The following SPAG16 variants were observed in gnomAD, a reference collection of about 807,000 sequenced individuals.
The protein encoded by SPAG16 is sperm associated antigen 16.
In SPAG16, 86 loss-of-function variants were observed where a neutral mutation model predicts 80.4. That is an observed-to-expected ratio of 1.07 (90% confidence interval 0.90 to 1.28). The LOEUF (loss-of-function observed/expected upper bound fraction) is 1.28. Among genes scored for constraint, SPAG16 ranks in the 50% most tolerant of loss-of-function variants. The pLI is 0.00. For synonymous variants in SPAG16, 294 were observed against 265.9 expected, an observed-to-expected ratio of 1.11 and a Z score of -1.03; for missense variants, 870 against 765.3, an observed-to-expected ratio of 1.14 and a Z score of -1.61.
At chr2:214,122,387 T>C (rs2125460158) in intron 14 of SPAG16, among the ~76,000 whole-genome samples, 1 of 151,932 alleles carries the variant, frequency 6.6e-6, no homozygotes, top group South Asian at 2.1e-4. Flanking sequence ...TGCCGGTAAG[T>C]AGACATAAAT....
intron 10 of SPAG16, among the ~76,000 whole-genome samples, chr2:213,611,513 T>G (rs2061438408): frequency 6.6e-6 from 1 of 152,188 alleles, no homozygotes; most frequent in African/African-American, 2.4e-5. Context: ...TTCAATCCAT[T>G]TTTATGGGTT....
chr2:214,144,382 A>G (rs756224470), intron 14 of SPAG16, among the ~76,000 whole-genome samples: 1 of 152,042 alleles, frequency 6.6e-6, no homozygotes, highest in Non-Finnish European at 1.5e-5. Context: ...ACTTTAATGT[A>G]ACCACAGTTT....
chr2:214,054,795 A>C lies in SPAG16; in HGVS notation c.1527+40718A>C, dbSNP rs187931010. ...AATTTAAGGTGATTAAATGGTTTTTAATGGTAGCAATGTTGCAGTTTTAAT... is the reference window on the plus strand; with the variant it reads ...AATTTAAGGTGATTAAATGGTTTTTCATGGTAGCAATGTTGCAGTTTTAAT... On this transcript the variant is annotated intron_variant, in intron 13 of 15. Transcript: ENST00000331683. 1.5e-3 allele frequency among the ~76,000 whole-genome samples: 228 copies of C among 152,268 alleles called. 1 individual carries two copies. Among genetic ancestry groups the C allele is most frequent in the African/African-American group, 5.2e-3 (217 of 41,562 alleles).
At chr2:213,687,727 C>G (rs916182329) in intron 10 of SPAG16, among the ~76,000 whole-genome samples, 1 of 152,074 alleles carries the variant, frequency 6.6e-6, no homozygotes, top group Non-Finnish European at 1.5e-5. Context: ...TGTATCTTGA[C>G]ATAGTTTTCT....
chr2:214,161,029 A>G (rs1383319719), intron 15 of SPAG16, among the ~76,000 whole-genome samples: 1 of 152,010 alleles, frequency 6.6e-6, no homozygotes, highest in Non-Finnish European at 1.5e-5. Flanking sequence ...TTCAGCTCCC[A>G]CTTATAAGTG....
intron 10 of SPAG16, among the ~76,000 whole-genome samples, chr2:213,536,834 A>C (rs2076266292): frequency 6.6e-6 from 1 of 152,162 alleles, no homozygotes; most frequent in African/African-American, 2.4e-5. Flanking sequence ...AAGGACTATA[A>C]ATCATGCTGC....
chr2:213,984,622 C>G (rs1035126853), intron 12 of SPAG16, among the ~76,000 whole-genome samples: 4 of 152,078 alleles, frequency 2.6e-5, no homozygotes, highest in Non-Finnish European at 5.9e-5. Flanking sequence ...TTCAGTCATG[C>G]TTTATGGGGC....
At chr2:213,814,893 A>T (rs1295781299) in intron 10 of SPAG16, among the ~76,000 whole-genome samples, 1 of 151,600 alleles carries the variant, frequency 6.6e-6, no homozygotes, top group African/African-American at 2.4e-5. Context: ...ATATATATCC[A>T]TAGCTTCTAA....
chr2:213,736,706 AT>A (rs10631489), intron 10 of SPAG16, among the ~76,000 whole-genome samples: 46 of 145,468 alleles, frequency 3.2e-4, no homozygotes, highest in African/African-American at 8.1e-4. Flanking sequence ...TTTTTAAATA[AT>A]TTTTTTTTTT....
intron 9 of SPAG16, among the ~76,000 whole-genome samples, chr2:213,470,530 G>T (rs897170877): frequency 3.3e-5 from 5 of 152,292 alleles, no homozygotes; most frequent in Admixed American, 2.0e-4. Flanking sequence ...CCAGGTAGCT[G>T]GTTGATCACC....
At chr2:214,334,236 A>G (rs755497619) in intron 15 of SPAG16, among the ~76,000 whole-genome samples, 4 of 152,206 alleles carry the variant, frequency 2.6e-5, no homozygotes, top group Non-Finnish European at 5.9e-5. Flanking sequence ...CCAGGTTGCC[A>G]GGAGGGGAGC....
In SPAG16 at chr2:214,098,906, A is replaced by T. The variant is rs141677783; in HGVS notation, c.1528-9290A>T. 1.6e-3 allele frequency among the ~76,000 whole-genome samples: 236 copies of T among 150,282 alleles called. 1 individual carries two copies. Among genetic ancestry groups the T allele is most frequent in the African/African-American group, 5.6e-3 (227 of 40,824 alleles). ...TTTAGAAAAGTAGCTTGTATTGGTC[A>T]ATGAGACTTTTTTTTTGCCAGTTAC... On this transcript the variant is annotated intron_variant, in intron 13 of 15. Transcript: ENST00000331683.
intron 13 of SPAG16, among the ~76,000 whole-genome samples, chr2:214,099,592 G>A (rs1387448292): frequency 1.3e-5 from 2 of 152,004 alleles, no homozygotes; most frequent in Non-Finnish European, 2.9e-5. Context: ...GTAGATACAT[G>A]AGACAGTGAG....
At chr2:213,644,017 G>A (rs1329164912) in intron 10 of SPAG16, among the ~76,000 whole-genome samples, 5 of 150,658 alleles carry the variant, frequency 3.3e-5, no homozygotes, top group Admixed American at 2.7e-4. Context: ...CTAACCTCAG[G>A]TGATCCACCC....
intron 10 of SPAG16, among the ~76,000 whole-genome samples, chr2:213,682,574 G>A (rs1318440901): frequency 1.3e-5 from 2 of 152,202 alleles, no homozygotes; most frequent in Non-Finnish European, 2.9e-5. Context: ...CGTTTAGGAA[G>A]GGAGAGCTTA....
At position 213,305,031 on chromosome 2, in the gene SPAG16, T is replaced by G. The variant is rs559369420; in HGVS notation, c.280-5028T>G. Among the ~76,000 whole-genome samples the G allele has an allele frequency of 3.9e-5, 6 of 152,266 alleles. No homozygotes were observed. The South Asian group carries it at 1.0e-3, about 26-fold the overall frequency. ...AACATGGACTATCTTTTCATTTTGTTGTTTCTTTTTCGATTTCTTTCATCA... is the reference window on the plus strand; with the variant it reads ...AACATGGACTATCTTTTCATTTTGTGGTTTCTTTTTCGATTTCTTTCATCA... On this transcript the variant is annotated intron_variant, in intron 3 of 15. Transcript: ENST00000331683.
chr2:214,067,434 G>A (rs2050582211), intron 13 of SPAG16, among the ~76,000 whole-genome samples: 1 of 152,032 alleles, frequency 6.6e-6, no homozygotes, highest in Admixed American at 6.6e-5. Context: ...GATTAGATTT[G>A]GGGAAGAATC....
intron 11 of SPAG16, among the ~76,000 whole-genome samples, chr2:213,910,412 A>G (rs1382630845): frequency 6.6e-6 from 1 of 152,236 alleles, no homozygotes; most frequent in Non-Finnish European, 1.5e-5. Context: ...TTAACTAGAG[A>G]TAACAAGAGA....
At chr2:213,457,088 T>G (rs552324746) in intron 9 of SPAG16, among the ~76,000 whole-genome samples, 1 of 152,296 alleles carries the variant, frequency 6.6e-6, no homozygotes, top group Admixed American at 6.5e-5. Context: ...TCTTTTGGCC[T>G]TTTCTCCCAG....
Sources: gnomAD v4.1 joint callset for allele counts (sites outside exome capture counted in the v4.1 genomes callset) on GRCh38, gnomAD v4.1.1 for gene constraint, MANE v1.5 for transcripts, NCBI Gene and HGNC (gene_info 2026-07-23, HGNC 2026-07-21) for gene names.